The following TTC8 variants were observed in gnomAD, a reference collection of about 807,000 sequenced individuals.
TTC8 encodes the protein tetratricopeptide repeat domain 8, also known as tetratricopeptide repeat protein 8.
Under a neutral mutation model 72.5 loss-of-function variants are expected in TTC8, and 47 were observed. That is an observed-to-expected ratio of 0.65 (90% CI 0.51 to 0.83). The LOEUF (loss-of-function observed/expected upper bound fraction) is 0.83, where lower values mean the gene tolerates loss of function less well. TTC8 is among the 40% of genes least tolerant of loss of function. The pLI is 0.00. For synonymous variants in TTC8, 199 were observed against 221.4 expected (o/e 0.90, Z 0.90); for missense variants, 611 against 623.2 (o/e 0.98, Z 0.21).
At chr14:88,878,924 A>G (rs2094965984), downstream of TTC8, 1 of 152,200 alleles carries the variant, frequency 6.6e-6, no homozygotes, top group African/African-American at 2.4e-5. Context: ...ACTAGTAGTA[A>G]GTGCCAAAGA....
intron 7 of TTC8, among the ~76,000 whole-genome samples, chr14:88,845,997 G>C (rs140205976): frequency 1.1e-4 from 16 of 152,022 alleles, no homozygotes; most frequent in East Asian, 1.9e-4. Flanking sequence ...TTGGATGGAG[G>C]GGGGAGTGGT....
intron 13 of TTC8, 76 bp from the exon 14 acceptor site, chr14:88,874,948 CCA>C: frequency 8.8e-7 from 1 of 1,132,012 alleles, no homozygotes; most frequent in East Asian, 2.4e-5. Context: ...AATTCTTTTA[CCA>C]AAAAAAAAAC....
chr14:88,858,984 A>G (rs1409708382), intron 9 of TTC8, among the ~76,000 whole-genome samples: 1 of 152,058 alleles, frequency 6.6e-6, no homozygotes, highest in Non-Finnish European at 1.5e-5. Context: ...AAGTCACACT[A>G]TTTGACTATC....
Position 88,824,731 on chromosome 14 carries a change from G to A in TTC8, c.24G>A (p.Leu8=), listed in dbSNP as rs764322915. The change falls in exon 1 of 15, where the codon CTG becomes CTA. Residue 8 remains leucine (L), a synonymous_variant. Coordinates refer to ENST00000380656, the MANE Select transcript of TTC8 (RefSeq NM_144596.4). MSSEMEP[L]LLAWSYFRRR... is the part of the protein sequence containing the mutation. ...CCATGAGCTCGGAGATGGAGCCGCT[G>A]CTCCTGGCCTGGAGCTATTTTAGGC... is the stretch of plus-strand genomic sequence containing the variant. 4.3e-6 allele frequency: 7 copies of A among 1,610,956 alleles called. No homozygotes were observed. In the East Asian group the frequency reaches 1.1e-4, roughly 26 times the overall value.
chr14:88,824,403 A>AC (rs1016823351), upstream of TTC8, among the ~76,000 whole-genome samples: 7 of 151,832 alleles, frequency 4.6e-5, no homozygotes, highest in Non-Finnish European at 8.8e-5. Context: ...AGGGTGGGGG[A>AC]CCCCAGGGGC....
At chr14:88,847,322 A>C (rs1169926917) in intron 7 of TTC8, among the ~76,000 whole-genome samples, 3 of 152,216 alleles carry the variant, frequency 2.0e-5, no homozygotes, top group Admixed American at 2.0e-4. Flanking sequence ...AGCAAACAAA[A>C]CAAGAGGGAG....
In TTC8 at chr14:88,824,688, C is replaced by A. The variant is rs758744079; in HGVS notation, c.-20C>A. ...CCTCTCTCCTGGAGCGCTGGGCCTT[C>A]GCTGGCCGCACCGGCAGCCATGAGC... is the stretch of plus-strand genomic sequence containing the variant. On this transcript the variant is annotated 5_prime_UTR_variant, in exon 1 of 15. Coordinates refer to ENST00000380656, the MANE Select transcript of TTC8 (RefSeq NM_144596.4). The A allele has an allele frequency of 2.9e-5, 46 of 1,579,318 alleles. No individual in the cohort carries two copies. The highest frequency in any genetic ancestry group is 2.4e-4 in the African/African-American group (18 of 74,388).
chr14:88,875,814 T>A (rs2094954988), intron 14 of TTC8, among the ~76,000 whole-genome samples: 1 of 152,194 alleles, frequency 6.6e-6, no homozygotes, highest in Non-Finnish European at 1.5e-5. Flanking sequence ...GAAAATAAAA[T>A]AAACTGTCAT....
intron 8 of TTC8, among the ~76,000 whole-genome samples, chr14:88,853,451 A>T (rs996428426): frequency 1.3e-5 from 2 of 152,208 alleles, no homozygotes; most frequent in Non-Finnish European, 2.9e-5. Context: ...CATCTGTAAA[A>T]CACTTCATAG....
intron 2 of TTC8, 25 bp from the exon 3 acceptor site, chr14:88,839,427 T>A (rs779731679): frequency 6.2e-7 from 1 of 1,610,888 alleles, no homozygotes. Context: ...TTTTAATATA[T>A]GTTTTATTTA....
At position 88,844,002 on chromosome 14, in the gene TTC8, T is replaced by C. The variant is rs7155535; in HGVS notation, c.624+152T>C. The C allele has an allele frequency of 0.43, 265,011 of 609,884 alleles. 62,314 individuals carry two copies. Among genetic ancestry groups the C allele is most frequent in the African/African-American group, 0.75 (40,304 of 53,772 alleles). The allele number at this position is 609,884 out of a possible 1,614,324, so 37.8% of individuals were successfully genotyped here. ...TACTTTAAAATCCACCCTCAGTTTC[T>C]GTGGGAAAATGTGTATAAATATACA... On this transcript the variant is annotated intron_variant, in intron 7 of 14. Coordinates refer to ENST00000380656, the MANE Select transcript of TTC8 (RefSeq NM_144596.4).
intron 6 of TTC8, among the ~76,000 whole-genome samples, chr14:88,842,187 T>A (rs1247050259): frequency 6.6e-6 from 1 of 152,190 alleles, no homozygotes; most frequent in African/African-American, 2.4e-5. Context: ...ACAGGAGCAC[T>A]TATCTTCCAG....
chr14:88,852,339 G>A (rs1459016866), intron 7 of TTC8, among the ~76,000 whole-genome samples: 1 of 152,142 alleles, frequency 6.6e-6, no homozygotes, highest in African/African-American at 2.4e-5. Flanking sequence ...TGTAAAATAT[G>A]AAAACAATTG....
upstream of TTC8, chr14:88,824,336 T>C (rs1041750862): frequency 3.8e-6 from 1 of 262,420 alleles, no homozygotes; most frequent in Non-Finnish European, 7.5e-6. Context: ...CCAGGGACTC[T>C]TCCGGACCTG....
intron 7 of TTC8, among the ~76,000 whole-genome samples, chr14:88,850,738 G>A (rs139516132): frequency 2.2e-3 from 341 of 152,298 alleles, no homozygotes; most frequent in Middle Eastern, 6.8e-3. Flanking sequence ...GTGCCAGTGA[G>A]GACAGAAAAA....
intron 3 of TTC8, 96 bp downstream of exon 3, chr14:88,839,668 T>TTA (rs2094770867): frequency 5.2e-6 from 7 of 1,352,018 alleles, no homozygotes; most frequent in African/African-American, 1.5e-5. Context: ...TTTCTACACT[T>TTA]TATATATATA....
intron 10 of TTC8, among the ~76,000 whole-genome samples, chr14:88,866,142 T>G (rs2094908255): frequency 6.6e-6 from 1 of 152,112 alleles, no homozygotes; most frequent in Admixed American, 6.6e-5. Context: ...AGGACGATTT[T>G]TCTAATCATG....
At chr14:88,869,992 G>C in intron 10 of TTC8, 67 bp from the exon 11 acceptor site, 1 of 1,544,102 alleles carries the variant, frequency 6.5e-7, no homozygotes, top group Non-Finnish European at 8.9e-7. Context: ...ACTTAAATCA[G>C]TCAGAAAAAA....
chr14:88,842,317 C>T (rs1290733112), intron 6 of TTC8, among the ~76,000 whole-genome samples: 1 of 151,986 alleles, frequency 6.6e-6, no homozygotes, highest in African/African-American at 2.4e-5. Flanking sequence ...ACCAAACACT[C>T]TAGAGAAAAT....
Sources: gnomAD v4.1 joint callset for allele counts (sites outside exome capture counted in the v4.1 genomes callset) on GRCh38, gnomAD v4.1.1 for gene constraint, MANE v1.5 for transcripts, NCBI Gene and HGNC (gene_info 2026-07-23, HGNC 2026-07-21) for gene names.